The following MCC variants were observed in gnomAD, a reference collection of about 807,000 sequenced individuals.
MCC encodes the protein MCC regulator of Wnt signaling pathway, also known as colorectal mutant cancer protein.
In MCC, 90 loss-of-function variants were observed where a neutral mutation model predicts 116.2. That is an observed-to-expected ratio of 0.77 (90% CI 0.65 to 0.92). The LOEUF (loss-of-function observed/expected upper bound fraction) is 0.92, where lower values mean the gene tolerates loss of function less well. MCC is among the 40% of genes least tolerant of loss of function. MCC has a pLI of 0.00. For synonymous variants in MCC, 578 were observed against 510.5 expected (o/e 1.13, Z -1.78); for missense variants, 1,516 against 1,312.2 (o/e 1.16, Z -2.40).
chr5:113,454,295 G>A (rs1771481006), intron 1 of MCC, among the ~76,000 whole-genome samples: 2 of 152,146 alleles, frequency 1.3e-5, no homozygotes, highest in South Asian at 4.1e-4. Context: ...TGTAGAGACA[G>A]GGTCTTACTT....
chr5:113,210,135 G>C (rs1763069098), intron 3 of MCC, among the ~76,000 whole-genome samples: 1 of 152,150 alleles, frequency 6.6e-6, no homozygotes, highest in Admixed American at 6.5e-5. Context: ...GGATAAAGTA[G>C]GGCAGGGAGT....
intron 3 of MCC, among the ~76,000 whole-genome samples, chr5:113,305,945 A>C (rs1442788802): frequency 6.6e-6 from 1 of 152,156 alleles, no homozygotes; most frequent in African/African-American, 2.4e-5. Flanking sequence ...TGGCAAACAC[A>C]AGTCTACGTT....
At chr5:113,423,420 C>A (rs1042341282) in intron 1 of MCC, among the ~76,000 whole-genome samples, 1 of 152,092 alleles carries the variant, frequency 6.6e-6, no homozygotes, top group African/African-American at 2.4e-5. Context: ...TGATCCTGGG[C>A]TCACAAGAAT....
intron 3 of MCC, among the ~76,000 whole-genome samples, chr5:113,267,693 G>C (rs983890613): frequency 2.6e-5 from 4 of 152,188 alleles, no homozygotes; most frequent in African/African-American, 9.7e-5. Flanking sequence ...CACATCTACA[G>C]TGACGAAGCA....
intron 13 of MCC, among the ~76,000 whole-genome samples, chr5:113,067,555 G>C (rs1753710273): frequency 6.6e-6 from 1 of 152,170 alleles, no homozygotes; most frequent in Non-Finnish European, 1.5e-5. Context: ...GAGGATGCTT[G>C]AACCTAGGAG....
intron 3 of MCC, 45 bp from the exon 4 acceptor site, chr5:113,151,467 G>C: frequency 2.8e-6 from 3 of 1,081,060 alleles, no homozygotes; most frequent in Non-Finnish European, 4.2e-6. Flanking sequence ...TAGCAGAGAT[G>C]TATTTCCTTC....
At chr5:113,211,855 A>G (rs1763147357) in intron 3 of MCC, among the ~76,000 whole-genome samples, 1 of 152,242 alleles carries the variant, frequency 6.6e-6, no homozygotes, top group South Asian at 2.1e-4. Context: ...AAACTCTAAC[A>G]TTTTTAGAAG....
chr5:113,039,842 A>G (rs1227985704), intron 17 of MCC, among the ~76,000 whole-genome samples: 2 of 151,938 alleles, frequency 1.3e-5, no homozygotes, highest in Non-Finnish European at 2.9e-5. Flanking sequence ...CGGGCTGCAC[A>G]AACACCATGT....
Position 113,063,980 on chromosome 5 carries a change from T to C in MCC, c.2213+4A>G. On this transcript the variant is annotated splice_donor_region_variant and intron_variant, in intron 14 of 18. Transcript: ENST00000408903. ...CCACCCCAGAGCAGAAGGCTGAGCA[T>C]TACCTGGTGTGGCTGTTGGAGGAAA... 6.2e-7 allele frequency: 1 copy of C among 1,610,682 alleles called. No individual in the cohort carries two copies. The highest frequency in any genetic ancestry group is 8.5e-7 in the Non-Finnish European group (1 of 1,178,760).
intron 11 of MCC, among the ~76,000 whole-genome samples, chr5:113,076,593 T>C (rs1754472178): frequency 6.6e-6 from 1 of 152,162 alleles, no homozygotes; most frequent in Non-Finnish European, 1.5e-5. Context: ...TAAAATCCTT[T>C]ACAGACGAAC....
chr5:113,150,004 G>A (rs1291292218), intron 4 of MCC, among the ~76,000 whole-genome samples: 1 of 152,180 alleles, frequency 6.6e-6, no homozygotes. Context: ...TCAGTGCAAG[G>A]GGCCCACAGG....
intron 3 of MCC, among the ~76,000 whole-genome samples, chr5:113,155,255 T>C (rs188037625): frequency 6.6e-6 from 1 of 152,362 alleles, no homozygotes; most frequent in African/African-American, 2.4e-5. Flanking sequence ...ACTGTGCATA[T>C]GTACCACACT....
At chr5:113,182,109 T>C (rs990109956) in intron 3 of MCC, among the ~76,000 whole-genome samples, 1 of 152,166 alleles carries the variant, frequency 6.6e-6, no homozygotes, top group African/African-American at 2.4e-5. Flanking sequence ...TTCACCAGAG[T>C]TGTTCCTTAC....
intron 1 of MCC, among the ~76,000 whole-genome samples, chr5:113,432,339 A>AAG (rs1554083167): frequency 1.3e-4 from 19 of 146,958 alleles, no homozygotes; most frequent in African/African-American, 2.1e-4. Flanking sequence ...AAAAAAAAAA[A>AAG]AAAAGAAAAG....
intron 3 of MCC, among the ~76,000 whole-genome samples, chr5:113,165,911 G>GC (rs763340092): frequency 7.1e-6 from 1 of 141,064 alleles, no homozygotes; most frequent in Non-Finnish European, 1.5e-5. Context: ...ACGGCTTTCT[G>GC]CCCCCAAAAC....
intron 1 of MCC, among the ~76,000 whole-genome samples, chr5:113,411,978 CT>C (rs1770005107): frequency 1.3e-5 from 2 of 152,172 alleles, no homozygotes; most frequent in South Asian, 4.1e-4. Context: ...CCAGTTTCAG[CT>C]TTCTACATAT....
intron 5 of MCC, 62 bp downstream of exon 5, chr5:113,143,156 T>A: frequency 6.6e-7 from 1 of 1,509,198 alleles, no homozygotes; most frequent in Non-Finnish European, 8.8e-7. Flanking sequence ...TGGGGCTACT[T>A]CAGCTCCAAG....
intron 8 of MCC, among the ~76,000 whole-genome samples, chr5:113,086,013 T>C (rs770589728): frequency 6.6e-6 from 1 of 152,240 alleles, no homozygotes; most frequent in African/African-American, 2.4e-5. Context: ...CTTTAAGGAA[T>C]GTTTATTCTT....
chr5:113,392,332 T>A (rs1429313181), intron 1 of MCC, among the ~76,000 whole-genome samples: 2 of 152,122 alleles, frequency 1.3e-5, no homozygotes, highest in African/African-American at 4.8e-5. Context: ...ATAAAAAGAT[T>A]CCTAACCTCA....
Sources: gnomAD v4.1 joint callset for allele counts (sites outside exome capture counted in the v4.1 genomes callset) on GRCh38, gnomAD v4.1.1 for gene constraint, MANE v1.5 for transcripts, NCBI Gene and HGNC (gene_info 2026-07-23, HGNC 2026-07-21) for gene names.